The following QRFPR variants were observed in gnomAD, a reference collection of about 807,000 sequenced individuals.
QRFPR encodes the protein pyroglutamylated RF-amide peptide receptor.
In QRFPR, 37 loss-of-function variants were observed where a neutral mutation model predicts 31.3. The ratio of observed to expected loss-of-function variants is 1.18; its 90% CI spans 0.91 to 1.56. QRFPR has a LOEUF of 1.56. Among genes scored for constraint, QRFPR ranks in the 40% most tolerant of loss-of-function variants. QRFPR has a pLI of 0.00. For missense variants in QRFPR, 542 were observed against 532.5 expected (o/e 1.02, Z -0.18); for synonymous variants, 197 against 192.0 (o/e 1.03, Z -0.22).
At chr4:121,343,963 A>G (rs1236344025) in intron 1 of QRFPR, among the ~76,000 whole-genome samples, 3 of 152,148 alleles carry the variant, frequency 2.0e-5, no homozygotes, top group Non-Finnish European at 4.4e-5. Flanking sequence ...TCATTATTTG[A>G]AAAAAGGGAT....
chr4:121,362,786 G>C (rs114178973), intron 1 of QRFPR, among the ~76,000 whole-genome samples: 2,984 of 150,038 alleles, frequency 0.02, 174 homozygotes, highest in South Asian at 0.045. Context: ...AAAGAATCTA[G>C]ACACTACGAG....
intron 3 of QRFPR, chr4:121,334,494 G>T (rs1413528124): frequency 1.7e-5 from 3 of 178,004 alleles, no homozygotes; most frequent in Admixed American, 1.2e-4. Flanking sequence ...CTTACCACGG[G>T]GCACCAAAAC....
At chr4:121,330,300 A>G in intron 5 of QRFPR, 126 bp downstream of exon 5, 1 of 670,144 alleles carries the variant, frequency 1.5e-6, no homozygotes, top group Non-Finnish European at 2.6e-6. Flanking sequence ...GAAGACATGA[A>G]AGAAATATAT....
At chr4:121,347,430 G>T (rs1560737489) in intron 1 of QRFPR, among the ~76,000 whole-genome samples, 1 of 151,780 alleles carries the variant, frequency 6.6e-6, no homozygotes, top group Non-Finnish European at 1.5e-5. Context: ...ATGGGCTATT[G>T]GTTCACTTTT....
Position 121,332,033 on chromosome 4 carries a change from G to A in QRFPR, c.797+788C>T, listed in dbSNP as rs111400314. On this transcript the variant is annotated intron_variant, in intron 4 of 5. Transcript: ENST00000394427. ...AACTTAACGATAGGTCCCAAGGTGC[G>A]GACAGTCTAGGAGCCCCTGTACATT... is the stretch of plus-strand genomic sequence containing the variant. Among the ~76,000 whole-genome samples the A allele has an allele frequency of 5.8e-3, 878 of 152,166 alleles. 12 individuals are homozygous for A. The highest frequency in any genetic ancestry group is 0.02 in the African/African-American group (836 of 41,508).
At chr4:121,345,184 G>C (rs1725620679) in intron 1 of QRFPR, among the ~76,000 whole-genome samples, 1 of 152,214 alleles carries the variant, frequency 6.6e-6, no homozygotes, top group African/African-American at 2.4e-5. Flanking sequence ...AGTAATAGGT[G>C]AGATCCTCTC....
intron 1 of QRFPR, among the ~76,000 whole-genome samples, chr4:121,365,507 AT>A (rs1726078123): frequency 2.8e-3 from 3 of 1,090 alleles, no homozygotes; most frequent in South Asian, 0.077. Flanking sequence ...TATAATATAT[AT>A]AATATATATT....
Position 121,340,499 on chromosome 4 carries a change from A to G in QRFPR, c.452T>C (p.Phe151Ser). ...VERHQGLVHP[F>S]KMKWQYTNRR... ...GTTGGTGTATTGCCACTTCATTTTAAAAGGATGCACAAGTCCCTGGTGCCT... is the reference window on the plus strand; with the variant it reads ...GTTGGTGTATTGCCACTTCATTTTAGAAGGATGCACAAGTCCCTGGTGCCT... Residue 151 changes from phenylalanine to serine, a missense_variant, in exon 2 of 6, where the codon TTT (phenylalanine) becomes TCT (serine). Phe to Ser is a radical substitution (Grantham distance 155). Transcript: ENST00000394427. The G allele has an allele frequency of 6.2e-7, 1 of 1,614,094 alleles. No homozygotes were observed. The highest frequency in any genetic ancestry group is 2.2e-5 in the East Asian group (1 of 44,878).
intron 1 of QRFPR, among the ~76,000 whole-genome samples, chr4:121,367,518 ATGGACCTGGTTTTTACAGTTGCTTTGT>A (rs1175297387): frequency 6.7e-6 from 1 of 150,342 alleles, no homozygotes; most frequent in Non-Finnish European, 1.5e-5. Flanking sequence ...ATAAACTATA[ATGGACCTGGTTTTTACAGTTGCTTTGT>A]AAAAGTACAC....
At chr4:121,346,945 T>A (rs1725662813) in intron 1 of QRFPR, among the ~76,000 whole-genome samples, 1 of 152,214 alleles carries the variant, frequency 6.6e-6, no homozygotes. Flanking sequence ...TGATATTTTG[T>A]GTGCCCATGT....
intron 1 of QRFPR, among the ~76,000 whole-genome samples, chr4:121,369,095 C>A (rs1443732721): frequency 6.6e-6 from 1 of 152,112 alleles, no homozygotes; most frequent in Non-Finnish European, 1.5e-5. Context: ...ATGGCGTGAT[C>A]TCGGCTCACT....
chr4:121,378,715 G>T (rs775892648), intron 1 of QRFPR, among the ~76,000 whole-genome samples: 1 of 151,992 alleles, frequency 6.6e-6, no homozygotes, highest in African/African-American at 2.4e-5. Context: ...GAGCCACCAC[G>T]CCTGGCCAGA....
At chr4:121,365,560 ATATAT>A (rs1560743750) in intron 1 of QRFPR, among the ~76,000 whole-genome samples, 191 of 6,044 alleles carry the variant, frequency 0.032, 13 homozygotes, top group South Asian at 0.076. Flanking sequence ...AATATATAAT[ATATAT>A]TATATATAAT....
intron 1 of QRFPR, among the ~76,000 whole-genome samples, chr4:121,366,141 A>C (rs1159963217): frequency 6.7e-6 from 1 of 149,726 alleles, no homozygotes; most frequent in Non-Finnish European, 1.5e-5. Context: ...TCACTGCAGA[A>C]AGTGAAATTC....
intron 1 of QRFPR, among the ~76,000 whole-genome samples, chr4:121,362,868 G>T (rs970751846): frequency 1.3e-5 from 2 of 150,344 alleles, no homozygotes; most frequent in Non-Finnish European, 3.0e-5. Context: ...ATACTTATCT[G>T]ACATGAAATA....
At chr4:121,338,138 T>G (rs781072375) in intron 2 of QRFPR, among the ~76,000 whole-genome samples, 18 of 152,242 alleles carry the variant, frequency 1.2e-4, no homozygotes, top group Non-Finnish European at 2.4e-4. Flanking sequence ...AGTCTGTCTG[T>G]CTGGCTGTCT....
At position 121,380,194 on chromosome 4, in the gene QRFPR, A is replaced by AGAGAGAGAGG. The variant is rs1560749172; in HGVS notation, c.340+113_340+114insCCTCTCTCTC. The AGAGAGAGAGG allele has an allele frequency of 2.4e-3, 470 of 198,960 alleles. 5 individuals are homozygous for AGAGAGAGAGG. The highest frequency in any genetic ancestry group is 9.4e-3 in the Middle Eastern group (10 of 1,060). The allele number at this position is 198,960 out of a possible 1,614,324, so 12.3% of individuals were successfully genotyped here. A position where few individuals can be genotyped will look rare whatever the true frequency, so the allele number is the denominator to read the frequency against. On this transcript the variant is annotated intron_variant, in intron 1 of 5. Transcript: ENST00000394427. ...GACAGACAGACGAGAGAGGAGAGAG[A>AGAGAGAGAGG]GAGAGAGAGAGAGAGAGAGAGAGAG...
intron 1 of QRFPR, among the ~76,000 whole-genome samples, chr4:121,345,682 T>G (rs1725631387): frequency 6.6e-6 from 1 of 152,252 alleles, no homozygotes; most frequent in East Asian, 1.9e-4. Flanking sequence ...ATTGCTTTGG[T>G]TTAATATCTA....
At chr4:121,338,059 C>T (rs1725466932) in intron 2 of QRFPR, among the ~76,000 whole-genome samples, 1 of 152,084 alleles carries the variant, frequency 6.6e-6, no homozygotes, top group South Asian at 2.1e-4. Flanking sequence ...TATAAAGAAA[C>T]ACATAATTTG....
Sources: allele counts gnomAD v4.1 joint callset (sites outside exome capture counted in the v4.1 genomes callset), GRCh38; gene constraint gnomAD v4.1.1; transcripts MANE v1.5; gene names NCBI Gene and HGNC (gene_info 2026-07-23, HGNC 2026-07-21).